Variants in BMP1 observed in about 807,000 individuals in gnomAD.
BMP1 encodes mammalian tolloid protein.
A neutral mutation model predicts 116.8 loss-of-function variants in BMP1; 63 were observed. The ratio of observed to expected loss-of-function variants is 0.54; its 90% CI spans 0.44 to 0.67. The LOEUF (loss-of-function observed/expected upper bound fraction) is 0.67. Among genes scored for constraint, BMP1 ranks in the 30% least tolerant of loss-of-function variants. BMP1 has a pLI of 0.00. For synonymous variants in BMP1, 536 were observed against 533.4 expected (o/e 1.00, Z -0.07); for missense variants, 1,183 against 1,358.9 (o/e 0.87, Z 2.04).
In BMP1 at chr8:22,212,083, G is replaced by A. The variant is rs1829472921; in HGVS notation, c.*355G>A. On this transcript the variant is annotated 3_prime_UTR_variant, in exon 20 of 20. Coordinates refer to ENST00000306385, the MANE Select transcript of BMP1 (RefSeq NM_006129.5). The stretch of plus-strand genomic sequence containing the variant: ...CACGCTGTATTGTGTATCACCGGGG[G>A]CATTATTTTCATTGTAATGTTCATT... The A allele has an allele frequency of 4.1e-6, 1 of 246,780 alleles. No homozygotes were observed. The highest frequency in any genetic ancestry group is 8.0e-6 in the Non-Finnish European group (1 of 124,556). The allele number at this position is 246,780 out of a possible 1,614,324, so 15.3% of individuals were successfully genotyped here.
At chr8:22,184,582 G>A (rs2131862398) in intron 8 of BMP1, among the ~76,000 whole-genome samples, 1 of 152,350 alleles carries the variant, frequency 6.6e-6, no homozygotes. Flanking sequence ...CATTGAAAGG[G>A]CCTGCAGAGC....
In BMP1 at chr8:22,176,175, A is replaced by G; in HGVS notation, c.295A>G (p.Ser99Gly). The G allele has an allele frequency of 5.0e-6, 8 of 1,614,092 alleles. No individual in the cohort carries two copies. The highest frequency in any genetic ancestry group is 6.8e-6 in the Non-Finnish European group (8 of 1,179,996). ...PGNTSTPSCQ[S>G]TNGQPQRGAC... ...AAACACTTCTACCCCCAGCTGCCAG[A>G]GCACCAACGGGCAGCCTCAGAGGGG... The change falls in exon 3 of 20, where the codon AGC becomes GGC. Residue 99 changes from serine to glycine, a missense_variant. Coordinates refer to ENST00000306385, the MANE Select transcript of BMP1 (RefSeq NM_006129.5).
At chr8:22,172,594 A>G (rs1319072978) in intron 1 of BMP1, among the ~76,000 whole-genome samples, 1 of 148,966 alleles carries the variant, frequency 6.7e-6, no homozygotes, top group Non-Finnish European at 1.5e-5. Flanking sequence ...AAAATGGTAC[A>G]ATTTTATTTC....
intron 1 of BMP1, among the ~76,000 whole-genome samples, chr8:22,173,071 G>T (rs1206754205): frequency 1.3e-5 from 2 of 152,118 alleles, no homozygotes; most frequent in African/African-American, 4.8e-5. Flanking sequence ...TATTATGGAA[G>T]GTTAGCTCCA....
chr8:22,178,189 C>T (rs992774311), intron 6 of BMP1, among the ~76,000 whole-genome samples: 7 of 152,246 alleles, frequency 4.6e-5, no homozygotes, highest in East Asian at 1.9e-4. Context: ...GGGCACCTGG[C>T]GGAGGAGGCT....
Position 22,194,712 on chromosome 8 carries a change from C to T in BMP1, c.1444-12C>T. 6.3e-7 allele frequency: 1 copy of T among 1,596,694 alleles called. No homozygotes were observed. Among genetic ancestry groups the T allele is most frequent in the Non-Finnish European group, 8.5e-7 (1 of 1,170,078 alleles). On this transcript the variant is annotated splice_polypyrimidine_tract_variant and intron_variant, in intron 11 of 19. Transcript: ENST00000306385. The surrounding 1 kb of genome is among the most constrained non-coding windows in gnomAD (Gnocchi z 4.5). ...CCAGAGCCCCTTCCACTGATGAAGC[C>T]TCGACCCCTAGATTGAGCGCCACGA...
At chr8:22,188,542 G>A (rs1350870644) in intron 8 of BMP1, among the ~76,000 whole-genome samples, 2 of 152,194 alleles carry the variant, frequency 1.3e-5, no homozygotes, top group African/African-American at 4.8e-5. Flanking sequence ...CAGCCCGGAA[G>A]CGGTGGGGCA....
At chr8:22,183,867 C>T (rs1488363840) in intron 8 of BMP1, among the ~76,000 whole-genome samples, 1 of 152,116 alleles carries the variant, frequency 6.6e-6, no homozygotes, top group African/African-American at 2.4e-5. Context: ...TGAGCCGCCG[C>T]GCCTGGCCAT....
intron 8 of BMP1, among the ~76,000 whole-genome samples, chr8:22,187,607 C>A (rs112632112): frequency 6.7e-6 from 1 of 150,350 alleles, no homozygotes; most frequent in African/African-American, 2.5e-5. Context: ...CCTCAGCCTC[C>A]CAAAGTGCTG....
chr8:22,195,348 TCCAG>T (rs1829051313), intron 12 of BMP1, 110 bp from the exon 13 acceptor site: 1 of 1,358,220 alleles, frequency 7.4e-7, no homozygotes, highest in African/African-American at 1.5e-5. Context: ...TCTGTGGGGT[TCCAG>T]CCATCGGGGA....
At chr8:22,211,125 A>C (rs1716939097) in intron 19 of BMP1, among the ~76,000 whole-genome samples, 1 of 151,828 alleles carries the variant, frequency 6.6e-6, no homozygotes, top group Admixed American at 6.6e-5. Context: ...CTTCCTCCAC[A>C]CTCCAGCAGA....
Position 22,179,962 on chromosome 8 carries a change from A to AG in BMP1, c.961+133_961+134insG. 9.5e-7 allele frequency: 1 copy of AG among 1,050,776 alleles called. No individual in the cohort carries two copies. The highest frequency in any genetic ancestry group is 2.6e-5 in the East Asian group (1 of 37,804). The allele number at this position is 1,050,776 out of a possible 1,614,324, so 65.1% of individuals were successfully genotyped here. A position where few individuals can be genotyped will look rare whatever the true frequency, so the allele number is the denominator to read the frequency against. On this transcript the variant is annotated intron_variant, in intron 7 of 19. Transcript: ENST00000306385. The surrounding 1 kb of genome is among the most constrained non-coding windows in gnomAD (Gnocchi z 4.6). ...ATGGTGTGGCGGGGGAGGGGACCCC[A>AG]TAGGAGGGGCAGTGTCCAAGTGAAG...
chr8:22,199,253 T>C (rs757690081), intron 15 of BMP1: 7 of 1,367,592 alleles, frequency 5.1e-6, no homozygotes, highest in African/African-American at 1.5e-5. Context: ...CATCTGACTC[T>C]GGCCCCCCAG....
In BMP1 at chr8:22,201,317, C is replaced by G. The variant is rs1043874101; in HGVS notation, c.2108-486C>G. The G allele has an allele frequency of 2.7e-6, 4 of 1,507,926 alleles. No individual in the cohort carries two copies. The African/African-American group carries it at 5.6e-5, about 21-fold the overall frequency. 93.4% of individuals were successfully genotyped at this position (1,507,926 alleles called of 1,614,324 possible). A position where few individuals can be genotyped will look rare whatever the true frequency, so the allele number is the denominator to read the frequency against. On this transcript the variant is annotated intron_variant, in intron 15 of 19. Transcript: ENST00000306385. Reference sequence around the variant, plus strand: ...ACCTCCACTCTGCCATTCCGGCCCACCTCCCTCTGGCCGGACAGAACTGGT... The same window carrying G: ...ACCTCCACTCTGCCATTCCGGCCCAGCTCCCTCTGGCCGGACAGAACTGGT...
Position 22,194,621 on chromosome 8 carries a change from G to A in BMP1, c.1443+31G>A, listed in dbSNP as rs1274870570. On this transcript the variant is annotated intron_variant, in intron 11 of 19. Coordinates refer to ENST00000306385, the MANE Select transcript of BMP1 (RefSeq NM_006129.5). This position sits in a 1 kb window ranked among gnomAD's most constrained non-coding sequence, Gnocchi z 4.5. The stretch of plus-strand genomic sequence containing the variant: ...TCAGTGGCCCTGTGATCTGACCTTT[G>A]AATCCAGCAGTTGCTCCCTGGGACA... 3 of 1,610,690 alleles carry A rather than the reference G, an allele frequency of 1.9e-6. No individual in the cohort carries two copies. The South Asian group carries it at 3.3e-5, about 18-fold the overall frequency.
At chr8:22,197,206 GA>G in intron 14 of BMP1, 33 bp from the exon 15 acceptor site, 1 of 1,594,016 alleles carries the variant, frequency 6.3e-7, no homozygotes, top group Non-Finnish European at 8.6e-7. Flanking sequence ...AGGCTTCCTG[GA>G]GGAGGCGGGC....
At chr8:22,189,536 G>A (rs990201909) in intron 8 of BMP1, among the ~76,000 whole-genome samples, 6 of 151,158 alleles carry the variant, frequency 4.0e-5, no homozygotes, top group South Asian at 2.1e-4. Flanking sequence ...GTGCAATCCC[G>A]GCTCACTGAA....
intron 1 of BMP1, among the ~76,000 whole-genome samples, chr8:22,166,226 A>C (rs866212059): frequency 6.6e-6 from 1 of 152,068 alleles, no homozygotes; most frequent in South Asian, 2.1e-4. Flanking sequence ...CTTTGTCCCT[A>C]TGTGCCCAGA....
At chr8:22,207,542 T>C (rs753321372) in intron 18 of BMP1, 26 bp downstream of exon 18, 1 of 1,607,284 alleles carries the variant, frequency 6.2e-7, no homozygotes, top group African/African-American at 1.3e-5. Context: ...GTGGGAGTGT[T>C]CACTGAGCCT....
Sources: gnomAD v4.1 joint callset for allele counts (sites outside exome capture counted in the v4.1 genomes callset) on GRCh38, gnomAD v4.1.1 for gene constraint, Gnocchi (gnomAD v3.1) non-coding constraint, MANE v1.5 for transcripts, NCBI Gene and HGNC (gene_info 2026-07-23, HGNC 2026-07-21) for gene names.